Variants in USP37 observed in about 807,000 individuals in gnomAD.
USP37 encodes ubiquitin specific peptidase 37, also known as ubiquitin carboxyl-terminal hydrolase 37.
Under a neutral mutation model 124.0 loss-of-function variants are expected in USP37, and 27 were observed. That is an observed-to-expected ratio of 0.22 (90% CI 0.16 to 0.30). The LOEUF (loss-of-function observed/expected upper bound fraction) is 0.30, where lower values mean the gene tolerates loss of function less well. USP37 is among the 10% of genes least tolerant of loss of function. The pLI is 1.00. For missense variants in USP37, 889 were observed against 1,140.4 expected (o/e 0.78, Z 3.17); for synonymous variants, 365 against 388.0 (o/e 0.94, Z 0.70).
At chr2:218,481,013 T>A (rs984648942) in intron 17 of USP37, among the ~76,000 whole-genome samples, 5 of 152,210 alleles carry the variant, frequency 3.3e-5, no homozygotes, top group African/African-American at 1.2e-4. Flanking sequence ...TTGGTCCTCT[T>A]AAGGGTTTGG....
Position 218,463,300 on chromosome 2 carries a change from C to T in USP37, c.2527+6G>A. ...TAAAAAAATGTAATTAAAAAGATCTCCACACCTTGAAGACTTAACTCGGTA... is the reference window on the plus strand; with the variant it reads ...TAAAAAAATGTAATTAAAAAGATCTTCACACCTTGAAGACTTAACTCGGTA... On this transcript the variant is annotated splice_donor_region_variant and intron_variant, in intron 22 of 25. Coordinates refer to ENST00000258399, the MANE Select transcript of USP37 (RefSeq NM_020935.3). 1 of 1,612,352 alleles carries T rather than the reference C, an allele frequency of 6.2e-7. No individual in the cohort carries two copies. Among genetic ancestry groups the T allele is most frequent in the Non-Finnish European group, 8.5e-7 (1 of 1,179,338 alleles).
rs1408335622 is a variant in USP37 at position 218,548,524 on chromosome 2, T to G, written c.429+1285A>C. 2.1e-5 allele frequency among the ~76,000 whole-genome samples: 3 copies of G among 141,936 alleles called. 1 individual carries two copies. The highest frequency in any genetic ancestry group is 7.8e-5 in the African/African-American group (3 of 38,318). The allele number at this position is 141,936 out of a possible 152,430, so 93.1% of individuals were successfully genotyped here. Reference sequence around the variant, plus strand: ...CCCAACTAATTTATGTATTTTTTTTTGTAGAGACAGGGTTTCACATGTTGC... The same window carrying G: ...CCCAACTAATTTATGTATTTTTTTTGGTAGAGACAGGGTTTCACATGTTGC... On this transcript the variant is annotated intron_variant, in intron 6 of 25. Transcript: ENST00000258399.
At chr2:218,528,659 T>C in intron 10 of USP37, 1 of 420,794 alleles carries the variant, frequency 2.4e-6, no homozygotes, top group East Asian at 3.5e-5. Context: ...ACATTTTCTT[T>C]ATCCTGTCTA....
intron 11 of USP37, among the ~76,000 whole-genome samples, chr2:218,498,791 C>T (rs1156944475): frequency 1.3e-5 from 2 of 151,948 alleles, no homozygotes; most frequent in Admixed American, 6.6e-5. Flanking sequence ...TATACATTTT[C>T]AAAATTAATG....
chr2:218,536,835 G>A (rs1003779335), intron 8 of USP37, among the ~76,000 whole-genome samples: 2 of 152,160 alleles, frequency 1.3e-5, no homozygotes, highest in Non-Finnish European at 2.9e-5. Flanking sequence ...TTTGGCAATG[G>A]CAACAGAAAT....
At chr2:218,527,628 C>T (rs1001732278) in intron 10 of USP37, among the ~76,000 whole-genome samples, 5 of 152,104 alleles carry the variant, frequency 3.3e-5, no homozygotes, top group Non-Finnish European at 7.4e-5. Flanking sequence ...TGAATATGTC[C>T]ATTCTATTAT....
intron 21 of USP37, among the ~76,000 whole-genome samples, chr2:218,465,317 C>T (rs550351461): frequency 5.9e-4 from 90 of 152,016 alleles, no homozygotes; most frequent in African/African-American, 2.1e-3. Flanking sequence ...TGGCTCACAT[C>T]TGTAGTCCTA....
intron 23 of USP37, among the ~76,000 whole-genome samples, 180 bp downstream of exon 23, chr2:218,459,610 T>G (rs541638243): frequency 3.2e-4 from 48 of 151,876 alleles, no homozygotes; most frequent in Admixed American, 2.3e-3. Context: ...TTGTTTGTTT[T>G]TTTAAATCTT....
chr2:218,529,813 A>G, intron 10 of USP37, 143 bp downstream of exon 10: 1 of 602,942 alleles, frequency 1.7e-6, no homozygotes, highest in East Asian at 2.9e-5. Context: ...TCTAACTAAC[A>G]TGTCAGGATT....
At chr2:218,522,380 T>C (rs548461327) in intron 10 of USP37, among the ~76,000 whole-genome samples, 9 of 151,228 alleles carry the variant, frequency 6.0e-5, no homozygotes, top group East Asian at 5.9e-4. Context: ...CTGGCCAACA[T>C]AGAAAGACCC....
At chr2:218,544,698 G>C (rs1413964250) in intron 8 of USP37, among the ~76,000 whole-genome samples, 1 of 151,992 alleles carries the variant, frequency 6.6e-6, no homozygotes, top group Non-Finnish European at 1.5e-5. Context: ...CTGCTAGATG[G>C]GCTAACCAGG....
intron 11 of USP37, among the ~76,000 whole-genome samples, chr2:218,508,139 G>A (rs1689776197): frequency 1.3e-5 from 2 of 152,182 alleles, no homozygotes; most frequent in South Asian, 4.1e-4. Context: ...TAGCAATGCT[G>A]AAGCATAGAT....
intron 14 of USP37, among the ~76,000 whole-genome samples, chr2:218,492,580 T>G (rs938474639): frequency 6.6e-6 from 1 of 152,198 alleles, no homozygotes; most frequent in Non-Finnish European, 1.5e-5. Context: ...GCTGCAACAA[T>G]TCAAACAAGA....
intron 10 of USP37, among the ~76,000 whole-genome samples, chr2:218,526,679 T>C (rs1334055998): frequency 6.6e-6 from 1 of 152,096 alleles, no homozygotes; most frequent in African/African-American, 2.4e-5. Flanking sequence ...TATTACTTCT[T>C]TGCCAATTTC....
intron 5 of USP37, among the ~76,000 whole-genome samples, chr2:218,552,014 G>A (rs1266861720): frequency 3.3e-5 from 5 of 152,138 alleles, no homozygotes; most frequent in Non-Finnish European, 4.4e-5. Context: ...GGATGGTCTC[G>A]ATCTCTTGAC....
At chr2:218,530,357 C>G (rs1691256131) in intron 9 of USP37, among the ~76,000 whole-genome samples, 1 of 152,150 alleles carries the variant, frequency 6.6e-6, no homozygotes, top group Non-Finnish European at 1.5e-5. Flanking sequence ...TGCAATGTTT[C>G]AAACTTTTTA....
chr2:218,520,338 C>A (rs1690535763), intron 10 of USP37, among the ~76,000 whole-genome samples: 3 of 147,910 alleles, frequency 2.0e-5, no homozygotes, highest in Admixed American at 1.4e-4. Context: ...TTAAACCTTG[C>A]CAACAGCTTT....
At chr2:218,562,866 T>C (rs1252829113) in intron 1 of USP37, 53 bp from the exon 2 acceptor site, 3 of 396,282 alleles carry the variant, frequency 7.6e-6, no homozygotes, top group East Asian at 7.2e-5. Flanking sequence ...ACAAAATTAA[T>C]ACTTAAAAGA....
rs565803418 is a variant in USP37, at chr2:218,562,668, C to T, written c.-89+5G>A. 1.8e-5 allele frequency: 7 copies of T among 398,492 alleles called. No individual in the cohort carries two copies. The highest frequency in any genetic ancestry group is 6.3e-4 in the Middle Eastern group (1 of 1,588). 24.7% of individuals were successfully genotyped at this position (398,492 alleles called of 1,614,324 possible). A position where few individuals can be genotyped will look rare whatever the true frequency, so the allele number is the denominator to read the frequency against. On this transcript the variant is annotated splice_donor_5th_base_variant and intron_variant, in intron 2 of 25. Transcript: ENST00000258399. ...ACATATATCCAAAACAAAAACATTACTTACTTTTCAGTGACTTTTACCGAA... is the reference window on the plus strand; with the variant it reads ...ACATATATCCAAAACAAAAACATTATTTACTTTTCAGTGACTTTTACCGAA...
Sources: gnomAD v4.1 joint callset for allele counts (sites outside exome capture counted in the v4.1 genomes callset) on GRCh38, gnomAD v4.1.1 for gene constraint, MANE v1.5 for transcripts, NCBI Gene and HGNC (gene_info 2026-07-23, HGNC 2026-07-21) for gene names.